The following SORCS3 variants were observed in gnomAD, a reference collection of about 807,000 sequenced individuals.
The protein encoded by SORCS3 is VPS10 domain-containing receptor SorCS3.
Under a neutral mutation model 146.3 loss-of-function variants are expected in SORCS3, and 57 were observed. That is an observed-to-expected ratio of 0.39 (90% CI 0.31 to 0.49). SORCS3 has a LOEUF of 0.49. SORCS3 is among the 20% of genes least tolerant of loss of function. The pLI is 0.92. For synonymous variants in SORCS3, 653 were observed against 618.5 expected (o/e 1.06, Z -0.83); for missense variants, 1,341 against 1,575.5 (o/e 0.85, Z 2.52).
At chr10:105,076,366 T>A (rs923070332) in intron 5 of SORCS3, among the ~76,000 whole-genome samples, 7 of 152,202 alleles carry the variant, frequency 4.6e-5, no homozygotes, top group Non-Finnish European at 1.0e-4. Flanking sequence ...CCTGTTATCC[T>A]GAGCTTGAGA....
rs1333854265 is a variant in SORCS3 at position 104,878,294 on chromosome 10, G to C, written c.695+35435G>C. ...ATAGGGAAGCAGACAACAAGCAATG[G>C]GATAAATTAATAAAACAACATAATT... On this transcript the variant is annotated intron_variant, in intron 2 of 26. Transcript: ENST00000369701. Among the ~76,000 whole-genome samples the C allele has an allele frequency of 3.3e-5, 5 of 152,050 alleles. No individual in the cohort carries two copies. In the South Asian group the frequency reaches 8.3e-4, roughly 25 times the overall value.
At chr10:105,006,240 C>A (rs1359361471) in intron 4 of SORCS3, among the ~76,000 whole-genome samples, 1 of 152,180 alleles carries the variant, frequency 6.6e-6, no homozygotes, top group Non-Finnish European at 1.5e-5. Context: ...CCACGCCTGG[C>A]CAATTCTTCT....
chr10:104,971,640 T>A (rs972649187), intron 3 of SORCS3, among the ~76,000 whole-genome samples: 4 of 152,044 alleles, frequency 2.6e-5, no homozygotes, highest in African/African-American at 9.7e-5. Flanking sequence ...GACTCAGAGA[T>A]TTAGGAGTTT....
At chr10:104,667,818 A>AG in intron 1 of SORCS3, among the ~76,000 whole-genome samples, 1 of 152,302 alleles carries the variant, frequency 6.6e-6, no homozygotes, top group East Asian at 1.9e-4. Flanking sequence ...CCAAGTCTGT[A>AG]GGATGGTGTC....
intron 2 of SORCS3, among the ~76,000 whole-genome samples, chr10:104,914,862 A>G (rs547479691): frequency 5.9e-5 from 9 of 152,214 alleles, no homozygotes; most frequent in Non-Finnish European, 1.3e-4. Context: ...TCAGTTGAGT[A>G]CAGAGAAAAT....
intron 1 of SORCS3, among the ~76,000 whole-genome samples, chr10:104,826,278 A>G (rs1022970711): frequency 2.0e-5 from 3 of 152,074 alleles, no homozygotes; most frequent in African/African-American, 7.2e-5. Context: ...CCCTTCCTGT[A>G]TTTGTTCCTC....
chr10:105,139,452 C>G lies in SORCS3; in HGVS notation c.1268C>G (p.Ala423Gly). 6.2e-7 allele frequency: 1 copy of G among 1,613,664 alleles called. No homozygotes were observed. Among genetic ancestry groups the G allele is most frequent in the Non-Finnish European group, 8.5e-7 (1 of 1,179,662 alleles). ...GTGTCTTATCGAAGAGAGGCCTTTGCTCAGATAAAGCTGCCTAAGTACTCG... is the reference window on the plus strand; with the variant it reads ...GTGTCTTATCGAAGAGAGGCCTTTGGTCAGATAAAGCTGCCTAAGTACTCG... ...YYVSYRREAF[A>G]QIKLPKYSLP... Residue 423 changes from alanine (A) to glycine (G), a missense_variant, in exon 8 of 27, where the codon GCT becomes GGT. Transcript: ENST00000369701.
At chr10:105,070,858 T>G (rs1245084533) in intron 5 of SORCS3, among the ~76,000 whole-genome samples, 1 of 152,212 alleles carries the variant, frequency 6.6e-6, no homozygotes, top group Non-Finnish European at 1.5e-5. Context: ...GTGAACAAAT[T>G]GAAACTTCCT....
chr10:104,983,759 C>T (rs2054945512), intron 4 of SORCS3, among the ~76,000 whole-genome samples: 1 of 151,858 alleles, frequency 6.6e-6, no homozygotes, highest in South Asian at 2.1e-4. Context: ...TTGTCCCTTC[C>T]TTTGCAAGTC....
intron 1 of SORCS3, among the ~76,000 whole-genome samples, chr10:104,692,726 G>T (rs989735649): frequency 3.9e-5 from 6 of 152,172 alleles, no homozygotes; most frequent in Non-Finnish European, 8.8e-5. Flanking sequence ...TAGGGCTTGG[G>T]GTTGGGGAAG....
chr10:105,242,815 AT>A (rs1485853873), intron 20 of SORCS3, among the ~76,000 whole-genome samples: 956 of 63,160 alleles, frequency 0.015, 6 homozygotes, highest in Middle Eastern at 0.029. Flanking sequence ...ATTTATATAT[AT>A]TTTTATATAT....
chr10:105,242,857 A>G (rs1319327301), intron 20 of SORCS3, among the ~76,000 whole-genome samples: 1 of 105,076 alleles, frequency 9.5e-6, no homozygotes, highest in Non-Finnish European at 1.7e-5. Flanking sequence ...TATATAAATT[A>G]TATATATATT....
intron 4 of SORCS3, among the ~76,000 whole-genome samples, chr10:104,989,918 T>G (rs1174831488): frequency 1.3e-5 from 2 of 152,208 alleles, no homozygotes; most frequent in African/African-American, 4.8e-5. Flanking sequence ...TTCAACCCAC[T>G]TCAACAAGGA....
chr10:105,073,299 T>C (rs952318716), intron 5 of SORCS3, among the ~76,000 whole-genome samples: 15 of 152,224 alleles, frequency 9.9e-5, no homozygotes, highest in African/African-American at 3.1e-4. Flanking sequence ...CAGGGGGATT[T>C]GGATACCTAT....
chr10:104,947,054 C>G (rs966904791), intron 3 of SORCS3, among the ~76,000 whole-genome samples: 4 of 152,106 alleles, frequency 2.6e-5, no homozygotes, highest in Admixed American at 1.3e-4. Flanking sequence ...GAGTAGATGG[C>G]AGCTCACGTT....
In SORCS3 at chr10:105,152,034, A is replaced by G. The variant is rs375853848; in HGVS notation, c.1482+4238A>G. 3.4e-4 allele frequency among the ~76,000 whole-genome samples: 52 copies of G among 152,294 alleles called. No individual in the cohort carries two copies. In the East Asian group the frequency reaches 8.3e-3, roughly 24 times the overall value. On this transcript the variant is annotated intron_variant, in intron 9 of 26. Coordinates refer to ENST00000369701, the MANE Select transcript of SORCS3 (RefSeq NM_014978.3). ...TAGAGCTCTATTGCAGTGTCTTCACATCCCCAGCTATAAACTACATTTCTT... is the reference window on the plus strand; with the variant it reads ...TAGAGCTCTATTGCAGTGTCTTCACGTCCCCAGCTATAAACTACATTTCTT...
chr10:104,679,891 T>G (rs1341655541), intron 1 of SORCS3, among the ~76,000 whole-genome samples: 1 of 152,204 alleles, frequency 6.6e-6, no homozygotes, highest in East Asian at 1.9e-4. Flanking sequence ...CTATTGTGTT[T>G]TTTTAATTAA....
intron 1 of SORCS3, among the ~76,000 whole-genome samples, chr10:104,792,431 G>A (rs774879300): frequency 6.6e-5 from 10 of 152,256 alleles, no homozygotes; most frequent in East Asian, 1.9e-4. Flanking sequence ...CTTTGAGGCC[G>A]TATCCCATTC....
intron 3 of SORCS3, among the ~76,000 whole-genome samples, chr10:104,973,605 G>C (rs1303063263): frequency 6.7e-6 from 1 of 149,536 alleles, no homozygotes. Flanking sequence ...TATTAGTCTT[G>C]CTAGCGGTCT....
Sources: gnomAD v4.1 joint callset for allele counts (sites outside exome capture counted in the v4.1 genomes callset) on GRCh38, gnomAD v4.1.1 for gene constraint, MANE v1.5 for transcripts, NCBI Gene and HGNC (gene_info 2026-07-23, HGNC 2026-07-21) for gene names.